The following FAM107A variants were observed in gnomAD, a reference collection of about 807,000 sequenced individuals.
FAM107A encodes family with sequence similarity 107 member A.
In FAM107A, 19 loss-of-function variants were observed where a neutral mutation model predicts 13.7. The observed-to-expected ratio is 1.38, with a 90% CI of 0.97 to 2.03. The LOEUF (loss-of-function observed/expected upper bound fraction) is 2.03, where lower values mean the gene tolerates loss of function less well. Ranked by LOEUF, FAM107A falls within the 30% of genes most tolerant of loss-of-function variation. The probability of loss-of-function intolerance (pLI) is 0.00; values close to 1 mark genes in which losing one functional copy is unlikely to be tolerated. For missense variants in FAM107A, 203 were observed against 184.4 expected, an observed-to-expected ratio of 1.10 and a Z score of -0.58; for synonymous variants, 82 against 74.5, an observed-to-expected ratio of 1.10 and a Z score of -0.52.
intron 1 of FAM107A, among the ~76,000 whole-genome samples, chr3:58,596,035 C>G (rs943594328): frequency 6.6e-6 from 1 of 152,212 alleles, no homozygotes; most frequent in Non-Finnish European, 1.5e-5. Context: ...AGAGGAAATA[C>G]TATTGTGTAA....
At chr3:58,583,185 C>A (rs1182219248) in intron 1 of FAM107A, among the ~76,000 whole-genome samples, 4 of 152,220 alleles carry the variant, frequency 2.6e-5, no homozygotes, top group Admixed American at 2.6e-4. Flanking sequence ...CACACACACA[C>A]TATGCATAGC....
Position 58,566,509 on chromosome 3 carries a change from C to T in FAM107A, c.*79G>A. The T allele has an allele frequency of 1.0e-6, 1 of 984,236 alleles. No individual in the cohort carries two copies. Among genetic ancestry groups the T allele is most frequent in the Non-Finnish European group, 1.6e-6 (1 of 622,158 alleles). 61.0% of individuals were successfully genotyped at this position (984,236 alleles called of 1,614,324 possible). Reference sequence around the variant, plus strand: ...TCACAGACGTCCCAGGGCCTGGGGCCCAGGGCTGCCAGGTACAGAAGGGCT... The same window carrying T: ...TCACAGACGTCCCAGGGCCTGGGGCTCAGGGCTGCCAGGTACAGAAGGGCT... On this transcript the variant is annotated 3_prime_UTR_variant, in exon 4 of 4. Coordinates refer to ENST00000360997, the MANE Select transcript of FAM107A (RefSeq NM_001076778.3).
At chr3:58,622,003 G>A (rs1439328250) in intron 1 of FAM107A, among the ~76,000 whole-genome samples, 1 of 152,190 alleles carries the variant, frequency 6.6e-6, no homozygotes, top group African/African-American at 2.4e-5. Flanking sequence ...TCAGGTGGGG[G>A]AGAGGTCTTG....
intron 1 of FAM107A, among the ~76,000 whole-genome samples, chr3:58,614,409 C>T (rs2065882164): frequency 6.6e-6 from 1 of 152,118 alleles, no homozygotes; most frequent in African/African-American, 2.4e-5. Flanking sequence ...CTGCCTGAAC[C>T]CAAACTGATG....
intron 1 of FAM107A, among the ~76,000 whole-genome samples, chr3:58,618,501 G>T (rs1261348355): frequency 2.0e-5 from 3 of 152,234 alleles, no homozygotes; most frequent in Non-Finnish European, 4.4e-5. Context: ...GCCCAGAGAG[G>T]GAGGCCATCT....
At chr3:58,622,686 A>AG (rs1211651915) in intron 1 of FAM107A, among the ~76,000 whole-genome samples, 1 of 152,222 alleles carries the variant, frequency 6.6e-6, no homozygotes, top group Non-Finnish European at 1.5e-5. Flanking sequence ...AGGGCAATAC[A>AG]GGCAGGCAAA....
upstream of FAM107A, among the ~76,000 whole-genome samples, chr3:58,588,784 C>T (rs78873244): frequency 1.6e-4 from 25 of 152,156 alleles, no homozygotes; most frequent in African/African-American, 4.8e-4. Flanking sequence ...CTCAGCCTCC[C>T]GAGTAGCTGG....
At chr3:58,619,838 G>C (rs1249032325) in intron 1 of FAM107A, among the ~76,000 whole-genome samples, 1 of 152,206 alleles carries the variant, frequency 6.6e-6, no homozygotes, top group African/African-American at 2.4e-5. Context: ...TTGTGCAGGT[G>C]GAAAGTGTGT....
In FAM107A at chr3:58,611,519, G is replaced by T. The variant is rs11927483; in HGVS notation, c.-70+15897C>A. Among the ~76,000 whole-genome samples, 1,085 of 152,328 alleles carry T rather than the reference G, an allele frequency of 7.1e-3. 13 individuals carry two copies. Among genetic ancestry groups the T allele is most frequent in the Non-Finnish European group, 9.4e-3 (637 of 68,034 alleles). The stretch of plus-strand genomic sequence containing the variant: ...ATCTGTTTATGGGCAGGTCCCTGAT[G>T]GAAACTCAGCCCAGGGAGCCTTGAC... On this transcript the variant is annotated intron_variant, in intron 1 of 3. Transcript: ENST00000465970.
chr3:58,578,891 T>C (rs573293657), upstream of FAM107A, among the ~76,000 whole-genome samples: 105 of 152,356 alleles, frequency 6.9e-4, no homozygotes, highest in African/African-American at 2.5e-3. Flanking sequence ...GTGTCTTCTT[T>C]GGCCTATATT....
intron 1 of FAM107A, among the ~76,000 whole-genome samples, chr3:58,595,698 G>A (rs1052705530): frequency 5.8e-5 from 8 of 138,890 alleles, no homozygotes; most frequent in Non-Finnish European, 1.1e-4. Context: ...GCCTTGTTGC[G>A]TGCACACACA....
intron 1 of FAM107A, among the ~76,000 whole-genome samples, chr3:58,599,796 C>T (rs2065738818): frequency 1.5e-5 from 2 of 134,954 alleles, no homozygotes; most frequent in South Asian, 2.3e-4. Context: ...CGGCTTACTG[C>T]AACATTTGCC....
chr3:58,603,522 T>C (rs988227493), intron 1 of FAM107A, among the ~76,000 whole-genome samples: 2 of 151,982 alleles, frequency 1.3e-5, no homozygotes, highest in African/African-American at 4.8e-5. Flanking sequence ...GGAGAAGAAG[T>C]TAAGTCAAGA....
At chr3:58,587,843 T>C (rs2065623650), upstream of FAM107A, among the ~76,000 whole-genome samples, 1 of 152,166 alleles carries the variant, frequency 6.6e-6, no homozygotes, top group Non-Finnish European at 1.5e-5. Context: ...AAACAAAAAC[T>C]CATGTTAATT....
intron 1 of FAM107A, among the ~76,000 whole-genome samples, chr3:58,619,570 C>T (rs1189624743): frequency 6.6e-6 from 1 of 152,206 alleles, no homozygotes; most frequent in Non-Finnish European, 1.5e-5. Flanking sequence ...CTGATTAATC[C>T]TTCTTCGTCT....
chr3:58,575,332 G>A (rs2063721812), intron 1 of FAM107A, among the ~76,000 whole-genome samples: 1 of 152,160 alleles, frequency 6.6e-6, no homozygotes, highest in African/African-American at 2.4e-5. Flanking sequence ...TGATACAATG[G>A]CATGATGTGC....
chr3:58,582,804 T>C (rs1427696003), intron 1 of FAM107A, among the ~76,000 whole-genome samples: 2 of 152,168 alleles, frequency 1.3e-5, no homozygotes, highest in Non-Finnish European at 2.9e-5. Flanking sequence ...TCAAGTTTGT[T>C]TGTTTGTTTG....
chr3:58,572,022 C>T (rs1287152283), intron 1 of FAM107A, among the ~76,000 whole-genome samples: 1 of 152,176 alleles, frequency 6.6e-6, no homozygotes, highest in Non-Finnish European at 1.5e-5. Flanking sequence ...TAAAGCCATA[C>T]ACCCAGAATT....
At chr3:58,599,696 ATTTTTTTTTTTTTTTTTTTTTTTTTT>A (rs57244654) in intron 1 of FAM107A, among the ~76,000 whole-genome samples, 2 of 78,570 alleles carry the variant, frequency 2.5e-5, no homozygotes, top group South Asian at 3.3e-4. Context: ...CAAGTGCACC[ATTTTTTTTTTTTTTTTTTTTTTTTTT>A]TTTTTTTTTT....
Sources: gnomAD v4.1 joint callset for allele counts (sites outside exome capture counted in the v4.1 genomes callset) on GRCh38, gnomAD v4.1.1 for gene constraint, MANE v1.5 for transcripts, NCBI Gene and HGNC (gene_info 2026-07-23, HGNC 2026-07-21) for gene names.